The following SPINK6 variants were observed in gnomAD, a reference collection of about 807,000 sequenced individuals.
SPINK6 encodes serine peptidase inhibitor Kazal type 6, also known as serine protease inhibitor Kazal-type 6.
In SPINK6, 13 loss-of-function variants were observed where a neutral mutation model predicts 11.7. That is an observed-to-expected ratio of 1.11 (90% confidence interval 0.72 to 1.76). The LOEUF (loss-of-function observed/expected upper bound fraction) is 1.76, where lower values mean the gene tolerates loss of function less well. Among genes scored for constraint, SPINK6 ranks in the 40% most tolerant of loss-of-function variants. The pLI is 0.00. For missense variants in SPINK6, 98 were observed against 93.7 expected (o/e 1.05, Z -0.19); for synonymous variants, 21 against 31.9 (o/e 0.66, Z 1.15).
chr5:148,210,855 G>A (rs1033976535), intron 2 of SPINK6, among the ~76,000 whole-genome samples: 2 of 151,980 alleles, frequency 1.3e-5, no homozygotes, highest in African/African-American at 2.4e-5. Context: ...AGAAAGGGGA[G>A]GGAAATAAGG....
intron 2 of SPINK6, among the ~76,000 whole-genome samples, chr5:148,212,591 T>A (rs10038197): frequency 0.017 from 1,764 of 106,804 alleles, 53 homozygotes; most frequent in East Asian, 0.1. Flanking sequence ...ATAAATATAT[T>A]TTATATAATA....
chr5:148,210,176 GCA>G, intron 2 of SPINK6, among the ~76,000 whole-genome samples: 11 of 23,274 alleles, frequency 4.7e-4, no homozygotes, highest in Admixed American at 1.1e-3. Flanking sequence ...ATGTATTTCT[GCA>G]TGCATATGTA....
intron 2 of SPINK6, among the ~76,000 whole-genome samples, chr5:148,209,908 CATAA>C (rs1488321866): frequency 2.0e-5 from 1 of 49,244 alleles, no homozygotes; most frequent in Non-Finnish European, 6.4e-5. Context: ...GTACTTTGCA[CATAA>C]ATGTCTTAAG....
intron 2 of SPINK6, among the ~76,000 whole-genome samples, chr5:148,207,069 T>C (rs1266708251): frequency 6.6e-6 from 1 of 152,092 alleles, no homozygotes; most frequent in East Asian, 1.9e-4. Context: ...TTTAGGTGTA[T>C]GTCTAACACA....
At chr5:148,208,097 C>T (rs1270572956) in intron 2 of SPINK6, among the ~76,000 whole-genome samples, 1 of 152,088 alleles carries the variant, frequency 6.6e-6, no homozygotes. Context: ...TGAGTGGAGT[C>T]CTCATTCATA....
chr5:148,209,004 C>G (rs1755534766), intron 2 of SPINK6, among the ~76,000 whole-genome samples: 1 of 152,118 alleles, frequency 6.6e-6, no homozygotes, highest in South Asian at 2.1e-4. Context: ...CAACCATTTT[C>G]TGTTACAATA....
chr5:148,214,167 A>G, intron 3 of SPINK6, 142 bp downstream of exon 3: 1 of 515,250 alleles, frequency 1.9e-6, no homozygotes. Flanking sequence ...ATTTGATTGA[A>G]AACAGATGGG....
chr5:148,207,261 T>C (rs971949390), intron 2 of SPINK6, among the ~76,000 whole-genome samples: 5 of 152,194 alleles, frequency 3.3e-5, no homozygotes, highest in African/African-American at 1.2e-4. Flanking sequence ...GTAAAACCAT[T>C]ACTCATAGAA....
chr5:148,207,060 T>G (rs1387500245), intron 2 of SPINK6, among the ~76,000 whole-genome samples: 2 of 151,606 alleles, frequency 1.3e-5, no homozygotes, highest in Non-Finnish European at 2.9e-5. Context: ...CATGTGCACT[T>G]TAGGTGTATG....
At chr5:148,212,951 A>C (rs1428723879) in intron 2 of SPINK6, among the ~76,000 whole-genome samples, 2 of 147,778 alleles carry the variant, frequency 1.4e-5, no homozygotes, top group African/African-American at 4.9e-5. Flanking sequence ...TTATATATAC[A>C]TATCCTATAT....
intron 2 of SPINK6, among the ~76,000 whole-genome samples, chr5:148,209,953 T>TA (rs1755548335): frequency 1.3e-5 from 2 of 151,688 alleles, no homozygotes; most frequent in African/African-American, 4.9e-5. Flanking sequence ...AGGTTTCATA[T>TA]ATATGTATAC....
intron 2 of SPINK6, among the ~76,000 whole-genome samples, chr5:148,211,844 G>T (rs1755602661): frequency 6.6e-6 from 1 of 152,170 alleles, no homozygotes; most frequent in African/African-American, 2.4e-5. Context: ...AAATACTTGG[G>T]TGTGGGTTCA....
At chr5:148,205,875 A>AAAG (rs200990707) in intron 1 of SPINK6, among the ~76,000 whole-genome samples, 161 bp from the exon 2 acceptor site, 11 of 152,124 alleles carry the variant, frequency 7.2e-5, no homozygotes, top group African/African-American at 2.4e-4. Flanking sequence ...TTAAAAAAAA[A>AAAG]AAGAAGAAGA....
At chr5:148,209,827 T>C (rs1278408559) in intron 2 of SPINK6, among the ~76,000 whole-genome samples, 1 of 151,730 alleles carries the variant, frequency 6.6e-6, no homozygotes, top group Non-Finnish European at 1.5e-5. Flanking sequence ...AAAATGCTGC[T>C]ATCATGAAAA....
chr5:148,209,957 T>A (rs1755549104), intron 2 of SPINK6, among the ~76,000 whole-genome samples: 1 of 151,752 alleles, frequency 6.6e-6, no homozygotes, highest in Non-Finnish European at 1.5e-5. Flanking sequence ...TTCATATATA[T>A]GTATACATAC....
chr5:148,208,055 G>C (rs760931693), intron 2 of SPINK6, among the ~76,000 whole-genome samples: 1 of 152,156 alleles, frequency 6.6e-6, no homozygotes, highest in East Asian at 1.9e-4. Context: ...ACTGTATTGG[G>C]AAGCATTGGC....
At chr5:148,204,813 A>T (rs1441861307) in intron 1 of SPINK6, among the ~76,000 whole-genome samples, 1 of 152,132 alleles carries the variant, frequency 6.6e-6, no homozygotes, top group African/African-American at 2.4e-5. Flanking sequence ...TGCCTTGCCA[A>T]TTCCTACGTA....
chr5:148,212,051 T>C (rs1755605487), intron 2 of SPINK6, among the ~76,000 whole-genome samples: 1 of 148,836 alleles, frequency 6.7e-6, no homozygotes, highest in African/African-American at 2.4e-5. Context: ...ACTCTTGAAA[T>C]AATGGCTCAA....
At chr5:148,213,346 GC>G (rs776236580) in intron 2 of SPINK6, among the ~76,000 whole-genome samples, 60 of 152,064 alleles carry the variant, frequency 3.9e-4, no homozygotes, top group Admixed American at 1.2e-3. Flanking sequence ...CGAGGTGCCC[GC>G]CACCACACCC....
Sources: allele counts gnomAD v4.1 joint callset (sites outside exome capture counted in the v4.1 genomes callset), GRCh38; gene constraint gnomAD v4.1.1; transcripts MANE v1.5; gene names NCBI Gene and HGNC (gene_info 2026-07-23, HGNC 2026-07-21).